The following CYP4Z1 variants were observed in gnomAD, a reference collection of about 807,000 sequenced individuals.
CYP4Z1 encodes the protein cytochrome P450 4Z1.
In CYP4Z1, 41 loss-of-function variants were observed where a neutral mutation model predicts 54.2. The observed-to-expected ratio is 0.76, with a 90% confidence interval of 0.59 to 0.98. CYP4Z1 has a LOEUF of 0.98. CYP4Z1 is among the 50% of genes least tolerant of loss of function. The probability of loss-of-function intolerance (pLI) is 0.00; values close to 1 mark genes in which losing one functional copy is unlikely to be tolerated. For synonymous variants in CYP4Z1, 163 were observed against 206.2 expected (o/e 0.79, Z 1.79); for missense variants, 513 against 599.0 (o/e 0.86, Z 1.50).
At chr1:47,109,095 T>A (rs889506755) in intron 9 of CYP4Z1, among the ~76,000 whole-genome samples, 1 of 152,040 alleles carries the variant, frequency 6.6e-6, no homozygotes, top group Admixed American at 6.6e-5. Flanking sequence ...GAAAGCCACT[T>A]GGGTGATTCT....
In CYP4Z1 at chr1:47,070,219, C is replaced by T. The variant is rs1644481499; in HGVS notation, c.319+1456C>T. On this transcript the variant is annotated intron_variant, in intron 2 of 11. Transcript: ENST00000334194. Reference sequence around the variant, plus strand: ...AGAAATTTTGAACACCCATTGTACCCTTCTCTAGTGTCATTAATTGATATC... The same window carrying T: ...AGAAATTTTGAACACCCATTGTACCTTTCTCTAGTGTCATTAATTGATATC... Among the ~76,000 whole-genome samples the T allele has an allele frequency of 1.9e-5, 2 of 103,872 alleles. 1 individual carries two copies. The highest frequency in any genetic ancestry group is 3.6e-5 in the Non-Finnish European group (2 of 55,362). 68.1% of individuals were successfully genotyped at this position (103,872 alleles called of 152,430 possible).
chr1:47,068,182 A>G (rs548686857), intron 1 of CYP4Z1, among the ~76,000 whole-genome samples: 1 of 152,358 alleles, frequency 6.6e-6, no homozygotes, highest in Admixed American at 6.5e-5. Flanking sequence ...TATCCAGAGC[A>G]AAGATGAGGT....
At chr1:47,079,766 AT>A (rs1644550305) in intron 2 of CYP4Z1, among the ~76,000 whole-genome samples, 2 of 152,064 alleles carry the variant, frequency 1.3e-5, no homozygotes, top group South Asian at 4.2e-4. Context: ...TAGTGAAGGG[AT>A]AGATCAGGTT....
intron 2 of CYP4Z1, among the ~76,000 whole-genome samples, chr1:47,069,165 G>C (rs1220806385): frequency 1.3e-5 from 2 of 152,240 alleles, no homozygotes; most frequent in African/African-American, 2.4e-5. Context: ...GCCCACTAAT[G>C]TTGCCTGTCC....
In CYP4Z1 at chr1:47,106,246, C is replaced by T. The variant is rs144526298; in HGVS notation, c.1186C>T (p.Arg396Cys). 4.3e-4 allele frequency: 689 copies of T among 1,601,562 alleles called. No homozygotes were observed. The highest frequency in any genetic ancestry group is 5.4e-4 in the Non-Finnish European group (632 of 1,177,204). Residue 396 changes from arginine to cysteine, a missense_variant, in exon 9 of 12, where the codon CGC becomes TGC. Transcript: ENST00000334194. ...LDKPITFPDG[R>C]SLPAGITVFI... is the part of the protein sequence containing the mutation. ...CAAACCCATCACCTTTCCAGATGGA[C>T]GCTCCTTACCTGCAGGTCTTAAAAC...
rs1569750988 is a variant in CYP4Z1 at position 47,106,175 on chromosome 1, G to T, written c.1115G>T (p.Cys372Phe). ...MPYTTMCIKECLRLYAPVVNI... is the reference protein window; with the variant it reads ...MPYTTMCIKEFLRLYAPVVNI... ...TACACCACGATGTGCATCAAGGAAT[G>T]CCTCCGCCTCTACGCACCGGTAGTA... is the stretch of plus-strand genomic sequence containing the variant. Residue 372 changes from cysteine (C) to phenylalanine (F), a missense_variant, in exon 9 of 12, where the codon TGC becomes TTC. Transcript: ENST00000334194. 1 of 1,613,974 alleles carries T rather than the reference G, an allele frequency of 6.2e-7. No homozygotes were observed. Among genetic ancestry groups the T allele is most frequent in the South Asian group, 1.1e-5 (1 of 91,062 alleles).
intron 8 of CYP4Z1, among the ~76,000 whole-genome samples, chr1:47,099,612 A>C (rs933136556): frequency 6.6e-6 from 1 of 152,138 alleles, no homozygotes; most frequent in African/African-American, 2.4e-5. Context: ...TCCAAGATGT[A>C]AATGGACTTC....
At chr1:47,115,497 G>C in intron 9 of CYP4Z1, 32 bp from the exon 10 acceptor site, 3 of 1,592,038 alleles carry the variant, frequency 1.9e-6, no homozygotes, top group Non-Finnish European at 2.6e-6. Flanking sequence ...CTTCGCTCAT[G>C]CACTTACCTG....
At chr1:47,087,096 G>C (rs1223959544) in intron 6 of CYP4Z1, among the ~76,000 whole-genome samples, 1 of 152,106 alleles carries the variant, frequency 6.6e-6, no homozygotes, top group Non-Finnish European at 1.5e-5. Flanking sequence ...GGTTACTGTA[G>C]CCTTGTAGTA....
chr1:47,088,518 A>G (rs1644614377), intron 6 of CYP4Z1, among the ~76,000 whole-genome samples: 1 of 151,008 alleles, frequency 6.6e-6, no homozygotes, highest in African/African-American at 2.4e-5. Context: ...AGTAGTTTGT[A>G]TTTCTGTGGG....
intron 6 of CYP4Z1, 130 bp downstream of exon 6, chr1:47,085,108 C>T (rs1644583087): frequency 1.7e-6 from 1 of 600,396 alleles, no homozygotes; most frequent in African/African-American, 1.9e-5. Context: ...CTAATTTGTA[C>T]CTCTTAAATG....
chr1:47,103,575 CT>C (rs369939162), intron 8 of CYP4Z1, among the ~76,000 whole-genome samples: 23 of 128,612 alleles, frequency 1.8e-4, no homozygotes, highest in South Asian at 7.7e-4. Context: ...TCACCTTCTT[CT>C]TTTTTTTTTC....
intron 8 of CYP4Z1, among the ~76,000 whole-genome samples, chr1:47,101,093 A>G (rs6683137): frequency 0.42 from 63,917 of 152,024 alleles, 14,825 homozygotes; most frequent in East Asian, 0.97. Context: ...CTGTGGTATC[A>G]GTTGAATGTC....
intron 2 of CYP4Z1, among the ~76,000 whole-genome samples, chr1:47,077,571 C>G (rs372576534): frequency 2.6e-5 from 4 of 151,870 alleles, no homozygotes; most frequent in African/African-American, 7.3e-5. Context: ...AAAATAATTA[C>G]TGATAAGGAA....
chr1:47,076,512 T>C lies in CYP4Z1; in HGVS notation c.320-4111T>C, dbSNP rs78214399. Among the ~76,000 whole-genome samples, 745 of 152,112 alleles carry C rather than the reference T, an allele frequency of 4.9e-3. 11 individuals are homozygous for C. The highest frequency in any genetic ancestry group is 0.047 in the East Asian group (241 of 5,128). ...TCATTTGCCTCAAAATATTTTCTAA[T>C]GTCTTTTATGATTTATTCCTTGTCC... On this transcript the variant is annotated intron_variant, in intron 2 of 11. Coordinates refer to ENST00000334194, the MANE Select transcript of CYP4Z1 (RefSeq NM_178134.3).
At chr1:47,111,986 G>A (rs1217517050) in intron 9 of CYP4Z1, among the ~76,000 whole-genome samples, 2 of 152,054 alleles carry the variant, frequency 1.3e-5, no homozygotes, top group Non-Finnish European at 2.9e-5. Flanking sequence ...AGCTATAATA[G>A]TAAATGCGAA....
At chr1:47,114,492 A>T (rs1171670896) in intron 9 of CYP4Z1, among the ~76,000 whole-genome samples, 1 of 152,218 alleles carries the variant, frequency 6.6e-6, no homozygotes. Flanking sequence ...AGAAATTACC[A>T]TCAGAGTGAA....
At chr1:47,110,466 A>G (rs1450848401) in intron 9 of CYP4Z1, among the ~76,000 whole-genome samples, 1 of 146,140 alleles carries the variant, frequency 6.8e-6, no homozygotes, top group Admixed American at 6.9e-5. Flanking sequence ...CTGAGGTGGG[A>G]GGATCACTTT....
chr1:47,082,208 C>T, intron 3 of CYP4Z1, 126 bp from the exon 4 acceptor site: 1 of 1,227,870 alleles, frequency 8.1e-7, no homozygotes, highest in Non-Finnish European at 1.1e-6. Context: ...CTCATTCACT[C>T]TTTCAAAGCT....
Sources: allele counts gnomAD v4.1 joint callset (sites outside exome capture counted in the v4.1 genomes callset), GRCh38; gene constraint gnomAD v4.1.1; transcripts MANE v1.5; gene names NCBI Gene and HGNC (gene_info 2026-07-23, HGNC 2026-07-21).